Variants in RIN3 observed in about 807,000 individuals in gnomAD.
RIN3 encodes the protein Ras and Rab interactor 3.
In RIN3, 54 loss-of-function variants were observed where a neutral mutation model predicts 76.3. The ratio of observed to expected loss-of-function variants is 0.71; its 90% confidence interval spans 0.57 to 0.89. RIN3 has a LOEUF of 0.89. RIN3 is among the 40% of genes least tolerant of loss of function. The pLI, the probability that RIN3 is intolerant of heterozygous loss-of-function variation, is 0.00. For synonymous variants in RIN3, 576 were observed against 564.0 expected (o/e 1.02, Z -0.30); for missense variants, 1,256 against 1,322.1 (o/e 0.95, Z 0.78).
At position 92,643,704 on chromosome 14, in the gene RIN3, G is replaced by A. The variant is rs1887096337; in HGVS notation, c.532+2375G>A. 6.6e-6 allele frequency among the ~76,000 whole-genome samples: 1 copy of A among 152,224 alleles called. No individual in the cohort carries two copies. The highest frequency in any genetic ancestry group is 1.5e-5 in the Non-Finnish European group (1 of 68,038). ...GCACTTTGGGAGGCCGAGGCGGGCA[G>A]ATAACCTGAAGTCAGGAGTTCAAGA... On this transcript the variant is annotated intron_variant, in intron 5 of 9. Transcript: ENST00000216487. This position sits in a 1 kb window ranked among gnomAD's most constrained non-coding sequence, Gnocchi z 4.8.
chr14:92,666,356 G>A (rs1392240824), intron 7 of RIN3, among the ~76,000 whole-genome samples: 2 of 152,220 alleles, frequency 1.3e-5, no homozygotes, highest in Non-Finnish European at 2.9e-5. Flanking sequence ...ATCTTCTCCA[G>A]AAAGATAGGG....
chr14:92,561,172 T>TATAC (rs772482223), intron 2 of RIN3, among the ~76,000 whole-genome samples: 14,244 of 144,544 alleles, frequency 0.099, 950 homozygotes, highest in Admixed American at 0.17. Context: ...TATATATATA[T>TATAC]ACCGACACCA....
At chr14:92,588,933 A>G (rs985057437) in intron 3 of RIN3, among the ~76,000 whole-genome samples, 12 of 152,228 alleles carry the variant, frequency 7.9e-5, no homozygotes, top group African/African-American at 2.7e-4. Flanking sequence ...TCATTAGCCC[A>G]TGAAGTGTAG....
chr14:92,592,323 C>A (rs1885005397), intron 3 of RIN3, among the ~76,000 whole-genome samples: 1 of 151,304 alleles, frequency 6.6e-6, no homozygotes, highest in African/African-American at 2.4e-5. Flanking sequence ...ATTGCTTGAA[C>A]CCAGGAAGCA....
At chr14:92,520,007 G>C (rs1038639921) in intron 1 of RIN3, among the ~76,000 whole-genome samples, 2 of 152,236 alleles carry the variant, frequency 1.3e-5, no homozygotes, top group Admixed American at 6.5e-5. Context: ...CAGGGGTAGG[G>C]GTTGGAGGGA....
At chr14:92,628,739 A>T (rs182480803) in intron 4 of RIN3, among the ~76,000 whole-genome samples, 92 of 152,330 alleles carry the variant, frequency 6.0e-4, no homozygotes, top group Non-Finnish European at 1.0e-3. Context: ...GAAACATGCG[A>T]GTTTGCTCTG....
chr14:92,646,156 A>T (rs1445588928), intron 5 of RIN3, among the ~76,000 whole-genome samples: 2 of 152,124 alleles, frequency 1.3e-5, no homozygotes, highest in African/African-American at 4.8e-5. Flanking sequence ...CTGAATTCAT[A>T]CTCAGGGCTT....
At position 92,623,754 on chromosome 14, in the gene RIN3, G is replaced by A. The variant is rs919131206; in HGVS notation, c.440+8275G>A. Among the ~76,000 whole-genome samples, 1 of 152,234 alleles carries A rather than the reference G, an allele frequency of 6.6e-6. No homozygotes were observed. On this transcript the variant is annotated intron_variant, in intron 4 of 9. Coordinates refer to ENST00000216487, the MANE Select transcript of RIN3 (RefSeq NM_024832.5). The surrounding 1 kb of genome is among the most constrained non-coding windows in gnomAD (Gnocchi z 4.9). Reference sequence around the variant, plus strand: ...CATACATCAGCTCGGGCATGAACAAGTGCAGACTGATTGGTAAGCTCTTGG... The same window carrying A: ...CATACATCAGCTCGGGCATGAACAAATGCAGACTGATTGGTAAGCTCTTGG...
chr14:92,626,040 C>A (rs919999735), intron 4 of RIN3, among the ~76,000 whole-genome samples: 1 of 152,114 alleles, frequency 6.6e-6, no homozygotes, highest in Non-Finnish European at 1.5e-5. Flanking sequence ...TATTTGTTCC[C>A]TTAGTCTTTC....
At chr14:92,574,041 CT>C (rs958675374) in intron 2 of RIN3, among the ~76,000 whole-genome samples, 5 of 152,238 alleles carry the variant, frequency 3.3e-5, no homozygotes, top group African/African-American at 1.2e-4. Flanking sequence ...ACCCCCACCC[CT>C]GCCATGAAGC....
chr14:92,645,658 T>TA (rs1217147237), intron 5 of RIN3, among the ~76,000 whole-genome samples: 1 of 152,018 alleles, frequency 6.6e-6, no homozygotes, highest in Non-Finnish European at 1.5e-5. Flanking sequence ...TTTGGGGTGA[T>TA]AAAAAATGCC....
At chr14:92,534,781 T>C (rs1896959053) in intron 1 of RIN3, among the ~76,000 whole-genome samples, 1 of 152,076 alleles carries the variant, frequency 6.6e-6, no homozygotes, top group African/African-American at 2.4e-5. Context: ...TGTGAGAGGC[T>C]CTGACAAGCA....
chr14:92,622,450 C>G (rs1291057383), intron 4 of RIN3, among the ~76,000 whole-genome samples: 1 of 152,208 alleles, frequency 6.6e-6, no homozygotes, highest in Non-Finnish European at 1.5e-5. Context: ...CTGTTAGAAA[C>G]AAATTTTCAG....
chr14:92,683,575 A>T (rs1888741197), intron 8 of RIN3, among the ~76,000 whole-genome samples: 1 of 152,134 alleles, frequency 6.6e-6, no homozygotes, highest in African/African-American at 2.4e-5. Context: ...GTGTATTAAG[A>T]ATATGTGTGA....
intron 3 of RIN3, among the ~76,000 whole-genome samples, chr14:92,581,391 T>C (rs1244660906): frequency 6.6e-6 from 1 of 152,198 alleles, no homozygotes; most frequent in Non-Finnish European, 1.5e-5. Context: ...AAGAGCCAGC[T>C]GTGCTCTTGA....
chr14:92,676,727 C>G, intron 8 of RIN3, 121 bp downstream of exon 8: 1 of 1,072,394 alleles, frequency 9.3e-7, no homozygotes, highest in Non-Finnish European at 1.3e-6. Context: ...AGCTCTGGAC[C>G]CATGGATGCA....
chr14:92,615,262 G>A, intron 3 of RIN3, 145 bp from the exon 4 acceptor site: 1 of 681,952 alleles, frequency 1.5e-6, no homozygotes, highest in Non-Finnish European at 2.6e-6. Context: ...GGCAGCTGAT[G>A]TGTATGGGGG....
intron 8 of RIN3, among the ~76,000 whole-genome samples, chr14:92,680,753 A>G (rs1888635478): frequency 6.6e-6 from 1 of 152,200 alleles, no homozygotes; most frequent in South Asian, 2.1e-4. Context: ...GAAAGCCTGC[A>G]AGTTGGATTC....
intron 2 of RIN3, among the ~76,000 whole-genome samples, chr14:92,571,448 C>T (rs1192023767): frequency 1.3e-5 from 2 of 152,208 alleles, no homozygotes; most frequent in African/African-American, 4.8e-5. Flanking sequence ...AGCCACATTC[C>T]TCTCAAGGCT....
Sources: gnomAD v4.1 joint callset for allele counts (sites outside exome capture counted in the v4.1 genomes callset) on GRCh38, gnomAD v4.1.1 for gene constraint, Gnocchi (gnomAD v3.1) non-coding constraint, MANE v1.5 for transcripts, NCBI Gene and HGNC (gene_info 2026-07-23, HGNC 2026-07-21) for gene names.